Variants in CAMTA1 observed in about 807,000 individuals in gnomAD.
CAMTA1 encodes the protein calmodulin binding transcription activator 1, also known as calmodulin-binding transcription activator 1.
CAMTA1 carries 27 observed loss-of-function variants against 170.9 expected under a neutral mutation model. The ratio of observed to expected loss-of-function variants is 0.16; its 90% CI spans 0.12 to 0.22. CAMTA1 has a LOEUF of 0.22. Among genes scored for constraint, CAMTA1 ranks in the 10% least tolerant of loss-of-function variants. CAMTA1 has a pLI of 1.00. For synonymous variants in CAMTA1, 833 were observed against 891.5 expected (o/e 0.93, Z 1.17); for missense variants, 1,619 against 2,217.2 (o/e 0.73, Z 5.42).
intron 6 of CAMTA1, among the ~76,000 whole-genome samples, chr1:7,517,887 C>G (rs1471492689): frequency 6.6e-6 from 1 of 151,948 alleles, no homozygotes; most frequent in Non-Finnish European, 1.5e-5. Context: ...GATGATCCCC[C>G]CAGGAGGCCT....
chr1:7,677,187 C>T (rs1196507492), intron 10 of CAMTA1, among the ~76,000 whole-genome samples: 2 of 152,114 alleles, frequency 1.3e-5, no homozygotes, highest in African/African-American at 4.8e-5. Context: ...ACAAAATAAG[C>T]GCAAATAAAT....
intron 4 of CAMTA1, among the ~76,000 whole-genome samples, chr1:7,130,691 T>C (rs1645196266): frequency 6.6e-6 from 1 of 152,186 alleles, no homozygotes; most frequent in African/African-American, 2.4e-5. Flanking sequence ...GCATCTCTAA[T>C]GACGGATGAT....
intron 5 of CAMTA1, among the ~76,000 whole-genome samples, chr1:7,274,593 A>G (rs1181173121): frequency 6.6e-6 from 1 of 152,202 alleles, no homozygotes; most frequent in East Asian, 1.9e-4. Flanking sequence ...ACTCGATCTA[A>G]TTGACATTTT....
intron 4 of CAMTA1, among the ~76,000 whole-genome samples, chr1:7,231,154 C>G (rs1387601020): frequency 6.6e-6 from 1 of 152,112 alleles, no homozygotes; most frequent in African/African-American, 2.4e-5. Flanking sequence ...GGGGATCTGC[C>G]CAGGCAACCT....
At chr1:7,494,532 G>A (rs1435827393) in intron 6 of CAMTA1, among the ~76,000 whole-genome samples, 7 of 152,140 alleles carry the variant, frequency 4.6e-5, no homozygotes, top group Non-Finnish European at 1.5e-5. Context: ...GGCCGGGTGC[G>A]GTGGCTTACA....
intron 12 of CAMTA1, among the ~76,000 whole-genome samples, chr1:7,734,490 A>G (rs12069327): frequency 0.018 from 2,676 of 152,242 alleles, 71 homozygotes; most frequent in African/African-American, 0.06. Flanking sequence ...GCCTTCAGTA[A>G]ATGTCCGTGT....
chr1:7,033,832 G>T (rs1703155520), intron 3 of CAMTA1, among the ~76,000 whole-genome samples: 1 of 151,976 alleles, frequency 6.6e-6, no homozygotes. Context: ...GACCCCAAGT[G>T]ATCCACCCCC....
At chr1:7,496,912 T>A (rs1217834029) in intron 6 of CAMTA1, among the ~76,000 whole-genome samples, 1 of 149,936 alleles carries the variant, frequency 6.7e-6, no homozygotes, top group Non-Finnish European at 1.5e-5. Context: ...CCCAAGAGCC[T>A]CCATCCTGAG....
intron 3 of CAMTA1, among the ~76,000 whole-genome samples, chr1:6,988,922 G>C (rs1198205076): frequency 2.6e-5 from 4 of 152,216 alleles, no homozygotes; most frequent in Non-Finnish European, 5.9e-5. Flanking sequence ...ACTGAGTCTA[G>C]ACTGAGCCAA....
At chr1:7,129,443 C>G (rs2148521431) in intron 4 of CAMTA1, among the ~76,000 whole-genome samples, 1 of 152,184 alleles carries the variant, frequency 6.6e-6, no homozygotes, top group Non-Finnish European at 1.5e-5. Flanking sequence ...AGAATAGTAC[C>G]ATGTTCTGTC....
At chr1:7,516,687 G>A (rs981159174) in intron 6 of CAMTA1, among the ~76,000 whole-genome samples, 1 of 152,180 alleles carries the variant, frequency 6.6e-6, no homozygotes, top group Non-Finnish European at 1.5e-5. Context: ...AAGGGACTGA[G>A]GTGGTCACAC....
Position 7,533,210 on chromosome 1 carries a change from C to G in CAMTA1, c.510+65309C>G, listed in dbSNP as rs111666513. The stretch of plus-strand genomic sequence containing the variant: ...CCTGCTGCACGTGCCGGATGGGTCC[C>G]GAGCCTCCCTCCAGGGGCAGGCCCT... On this transcript the variant is annotated intron_variant, in intron 6 of 22. Transcript: ENST00000303635. Among the ~76,000 whole-genome samples, 1,255 of 152,262 alleles carry G rather than the reference C, an allele frequency of 8.2e-3. 19 individuals are homozygous for G. The highest frequency in any genetic ancestry group is 0.029 in the African/African-American group (1,199 of 41,554).
chr1:6,944,883 T>C (rs1034899172), intron 3 of CAMTA1, among the ~76,000 whole-genome samples: 17 of 152,190 alleles, frequency 1.1e-4, no homozygotes, highest in African/African-American at 3.6e-4. Flanking sequence ...GCTCTGAGCA[T>C]ATTTAAGGTA....
At chr1:7,516,018 A>G (rs1484155922) in intron 6 of CAMTA1, among the ~76,000 whole-genome samples, 1 of 152,134 alleles carries the variant, frequency 6.6e-6, no homozygotes, top group Non-Finnish European at 1.5e-5. Flanking sequence ...CTCCCAAGCT[A>G]GAGAAGGTGG....
chr1:7,624,822 A>C (rs1292130793), intron 6 of CAMTA1, among the ~76,000 whole-genome samples: 2 of 152,208 alleles, frequency 1.3e-5, no homozygotes, highest in Non-Finnish European at 2.9e-5. Flanking sequence ...AGGCTGGCTG[A>C]TGCTGCAGGA....
intron 5 of CAMTA1, among the ~76,000 whole-genome samples, chr1:7,319,618 A>G (rs1557508094): frequency 6.6e-6 from 1 of 152,196 alleles, no homozygotes; most frequent in Non-Finnish European, 1.5e-5. Flanking sequence ...ATGGACTAAT[A>G]TGGCTAGTAA....
intron 6 of CAMTA1, among the ~76,000 whole-genome samples, chr1:7,616,089 A>AT (rs2150724978): frequency 6.6e-6 from 1 of 152,348 alleles, no homozygotes; most frequent in African/African-American, 2.4e-5. Flanking sequence ...ATTCAGCCAA[A>AT]TTTAACTTGG....
intron 3 of CAMTA1, among the ~76,000 whole-genome samples, chr1:6,953,863 C>T (rs889835628): frequency 1.3e-5 from 2 of 152,028 alleles, no homozygotes; most frequent in African/African-American, 2.4e-5. Context: ...GGTGGAAGTC[C>T]GTGAAACGAC....
intron 6 of CAMTA1, among the ~76,000 whole-genome samples, chr1:7,491,445 A>G (rs1023616512): frequency 1.3e-5 from 2 of 152,260 alleles, no homozygotes; most frequent in African/African-American, 4.8e-5. Flanking sequence ...TAGAGTAGAC[A>G]CAGAGGGAAG....
Sources: allele counts gnomAD v4.1 joint callset (sites outside exome capture counted in the v4.1 genomes callset), GRCh38; gene constraint gnomAD v4.1.1; transcripts MANE v1.5; gene names NCBI Gene and HGNC (gene_info 2026-07-23, HGNC 2026-07-21).